The following GPC6 variants were observed in gnomAD, a reference collection of about 807,000 sequenced individuals.
GPC6 encodes glypican 6.
In GPC6, 14 loss-of-function variants were observed where a neutral mutation model predicts 55.2. The observed-to-expected ratio is 0.25, with a 90% CI of 0.17 to 0.40. The LOEUF (loss-of-function observed/expected upper bound fraction) is 0.40. Among genes scored for constraint, GPC6 ranks in the 10% least tolerant of loss-of-function variants. The pLI, the probability that GPC6 is intolerant of heterozygous loss-of-function variation, is 1.00. For synonymous variants in GPC6, 278 were observed against 259.6 expected (o/e 1.07, Z -0.68); for missense variants, 641 against 708.5 (o/e 0.90, Z 1.08).
intron 2 of GPC6, among the ~76,000 whole-genome samples, chr13:93,663,771 A>G (rs1012253447): frequency 2.0e-5 from 3 of 152,200 alleles, no homozygotes; most frequent in Admixed American, 6.5e-5. Flanking sequence ...TCATCTTTCT[A>G]TTAAATAGAA....
chr13:94,234,698 G>C (rs1428078063), intron 4 of GPC6, among the ~76,000 whole-genome samples: 1 of 151,838 alleles, frequency 6.6e-6, no homozygotes, highest in Non-Finnish European at 1.5e-5. Flanking sequence ...TTTTTTTCCA[G>C]TGTTTCAGGA....
At chr13:93,265,704 A>C (rs1234215633) in intron 1 of GPC6, among the ~76,000 whole-genome samples, 1 of 152,202 alleles carries the variant, frequency 6.6e-6, no homozygotes, top group African/African-American at 2.4e-5. Flanking sequence ...TCTATTTCAA[A>C]TATACATGCA....
chr13:93,600,951 A>G (rs1264865185), intron 2 of GPC6, among the ~76,000 whole-genome samples: 2 of 141,638 alleles, frequency 1.4e-5, no homozygotes, highest in African/African-American at 5.7e-5. Flanking sequence ...TTCCGCCTCA[A>G]AAAAAAAAAA....
At chr13:94,216,629 T>A (rs1422184556) in intron 4 of GPC6, among the ~76,000 whole-genome samples, 3 of 152,140 alleles carry the variant, frequency 2.0e-5, no homozygotes, top group Non-Finnish European at 2.9e-5. Flanking sequence ...TCTTTGAAAG[T>A]TAGTTATTCA....
intron 3 of GPC6, among the ~76,000 whole-genome samples, chr13:93,873,681 T>C (rs1479095232): frequency 6.6e-6 from 1 of 151,942 alleles, no homozygotes; most frequent in Non-Finnish European, 1.5e-5. Context: ...GAAAAAAATC[T>C]GTCAGTATTT....
intron 1 of GPC6, among the ~76,000 whole-genome samples, chr13:93,294,778 G>C (rs1878429126): frequency 6.6e-6 from 1 of 152,036 alleles, no homozygotes; most frequent in Non-Finnish European, 1.5e-5. Flanking sequence ...AATGGTCACT[G>C]TGTCTTTATT....
At chr13:93,656,609 T>C (rs944491647) in intron 2 of GPC6, among the ~76,000 whole-genome samples, 1 of 152,106 alleles carries the variant, frequency 6.6e-6, no homozygotes, top group African/African-American at 2.4e-5. Flanking sequence ...ACAAATCACA[T>C]TGACTTACTG....
chr13:93,250,558 C>G (rs567305809), intron 1 of GPC6, among the ~76,000 whole-genome samples: 4 of 152,258 alleles, frequency 2.6e-5, no homozygotes, highest in Non-Finnish European at 5.9e-5. Context: ...CATGGGGGGA[C>G]CATGACAAGC....
At chr13:93,623,462 T>TTTC (rs1879049840) in intron 2 of GPC6, among the ~76,000 whole-genome samples, 1 of 141,440 alleles carries the variant, frequency 7.1e-6, no homozygotes. Context: ...TTTCTTTTTT[T>TTTC]TTTTTTTTTT....
intron 5 of GPC6, among the ~76,000 whole-genome samples, chr13:94,295,382 A>G (rs1299980253): frequency 6.6e-6 from 1 of 152,172 alleles, no homozygotes; most frequent in Non-Finnish European, 1.5e-5. Flanking sequence ...TCTAAAGAGC[A>G]CTGACTCATT....
At chr13:93,747,337 T>TA (rs1274840928) in intron 2 of GPC6, among the ~76,000 whole-genome samples, 1 of 152,130 alleles carries the variant, frequency 6.6e-6, no homozygotes, top group East Asian at 1.9e-4. Context: ...TTGCTTGTTA[T>TA]AGGGAAATAA....
intron 1 of GPC6, among the ~76,000 whole-genome samples, chr13:93,311,126 C>A (rs149035246): frequency 2.6e-5 from 4 of 152,136 alleles, no homozygotes; most frequent in African/African-American, 9.7e-5. Context: ...TCTAGACCTC[C>A]GGCATCAGAA....
At chr13:93,393,127 T>TATATATATATATATATATATAG (rs1230857277) in intron 1 of GPC6, among the ~76,000 whole-genome samples, 1 of 87,612 alleles carries the variant, frequency 1.1e-5, no homozygotes, top group African/African-American at 3.9e-5. Context: ...TATATATATA[T>TATATATATATATATATATATAG]AGAGAGAGAG....
chr13:93,765,199 A>G (rs1210278843), intron 2 of GPC6, among the ~76,000 whole-genome samples: 1 of 46,254 alleles, frequency 2.2e-5, no homozygotes, highest in Non-Finnish European at 4.7e-5. Flanking sequence ...TTTATAGACC[A>G]TAGACCATTA....
At chr13:93,315,557 T>G (rs867625113) in intron 1 of GPC6, among the ~76,000 whole-genome samples, 1 of 152,080 alleles carries the variant, frequency 6.6e-6, no homozygotes, top group Middle Eastern at 3.5e-3. Context: ...TTTTTGACTT[T>G]ACAAGTAAAT....
intron 3 of GPC6, among the ~76,000 whole-genome samples, chr13:93,933,001 T>C (rs950966415): frequency 6.8e-6 from 1 of 147,592 alleles, no homozygotes; most frequent in Non-Finnish European, 1.5e-5. Flanking sequence ...TTTCTGGAGT[T>C]TCTAAAGGAG....
At chr13:93,496,917 C>G (rs1288678943) in intron 1 of GPC6, among the ~76,000 whole-genome samples, 1 of 152,158 alleles carries the variant, frequency 6.6e-6, no homozygotes, top group Non-Finnish European at 1.5e-5. Flanking sequence ...ATGAAAAATA[C>G]AGATTTATAA....
At chr13:93,897,906 C>G (rs1876105876) in intron 3 of GPC6, among the ~76,000 whole-genome samples, 1 of 152,104 alleles carries the variant, frequency 6.6e-6, no homozygotes, top group Non-Finnish European at 1.5e-5. Context: ...TTCCCAATTC[C>G]CTATATCTAT....
chr13:93,603,737 C>G (rs1160243146), intron 2 of GPC6, among the ~76,000 whole-genome samples: 1 of 152,164 alleles, frequency 6.6e-6, no homozygotes, highest in Non-Finnish European at 1.5e-5. Flanking sequence ...CAAATTAAAA[C>G]TCAGGTGCTG....
Sources: allele counts gnomAD v4.1 joint callset (sites outside exome capture counted in the v4.1 genomes callset), GRCh38; gene constraint gnomAD v4.1.1; transcripts MANE v1.5; gene names NCBI Gene and HGNC (gene_info 2026-07-23, HGNC 2026-07-21).